GRIA2: variants seen among roughly 807,000 people sequenced by gnomAD.
GRIA2 encodes the protein glutamate receptor 2.
A neutral mutation model predicts 97.3 loss-of-function variants in GRIA2; 14 were observed. The ratio of observed to expected loss-of-function variants is 0.14; its 90% CI spans 0.10 to 0.23. The LOEUF (loss-of-function observed/expected upper bound fraction) is 0.23, where lower values mean the gene tolerates loss of function less well. Among genes scored for constraint, GRIA2 ranks in the 10% least tolerant of loss-of-function variants. The pLI is 1.00. For synonymous variants in GRIA2, 412 were observed against 387.8 expected (o/e 1.06, Z -0.73); for missense variants, 558 against 1,069.8 (o/e 0.52, Z 6.67).
At chr4:157,233,867 GTTA>G (rs953327067) in intron 2 of GRIA2, among the ~76,000 whole-genome samples, 4 of 152,016 alleles carry the variant, frequency 2.6e-5, no homozygotes, top group Admixed American at 6.6e-5. Context: ...AAGTGGAATT[GTTA>G]TTATACCCAT....
chr4:157,230,847 T>G (rs929825741), intron 2 of GRIA2, among the ~76,000 whole-genome samples: 10 of 151,746 alleles, frequency 6.6e-5, no homozygotes, highest in African/African-American at 2.2e-4. Flanking sequence ...TTTTTTCCTT[T>G]TATTTTATTT....
intron 2 of GRIA2, among the ~76,000 whole-genome samples, chr4:157,250,512 C>G (rs1730974276): frequency 6.6e-6 from 1 of 152,002 alleles, no homozygotes; most frequent in Admixed American, 6.6e-5. Flanking sequence ...ACATGAATAT[C>G]CAGAGTTTCT....
At position 157,335,659 on chromosome 4, in the gene GRIA2, C is replaced by A; in HGVS notation, c.1267-12C>A. Reference sequence around the variant, plus strand: ...ATATTTTAATCAGCTAAAGCAAAGTCTTTTCATATAGGAATCTCCGTATGT... The same window carrying A: ...ATATTTTAATCAGCTAAAGCAAAGTATTTTCATATAGGAATCTCCGTATGT... On this transcript the variant is annotated splice_polypyrimidine_tract_variant and intron_variant, in intron 9 of 15. Coordinates refer to ENST00000264426, the MANE Select transcript of GRIA2 (RefSeq NM_001083619.3). 2.0e-6 allele frequency: 3 copies of A among 1,534,188 alleles called. No individual in the cohort carries two copies. Among genetic ancestry groups the A allele is most frequent in the Non-Finnish European group, 2.7e-6 (3 of 1,107,826 alleles).
chr4:157,357,494 T>C (rs1736435290), intron 12 of GRIA2, among the ~76,000 whole-genome samples: 1 of 152,144 alleles, frequency 6.6e-6, no homozygotes, highest in Non-Finnish European at 1.5e-5. Flanking sequence ...TGAAAAAAGT[T>C]ACTTTCAGTC....
intron 2 of GRIA2, among the ~76,000 whole-genome samples, chr4:157,245,010 A>G (rs1254283766): frequency 2.0e-5 from 3 of 152,092 alleles, no homozygotes; most frequent in African/African-American, 4.8e-5. Context: ...TTAAAAAAAT[A>G]CTACATAAAA....
At chr4:157,222,055 G>A (rs952950941) in intron 2 of GRIA2, among the ~76,000 whole-genome samples, 2 of 152,068 alleles carry the variant, frequency 1.3e-5, no homozygotes, top group Admixed American at 1.3e-4. Flanking sequence ...TTAGGGAGCC[G>A]GGGTGAGGGT....
At chr4:157,273,958 T>C (rs996762488) in intron 2 of GRIA2, among the ~76,000 whole-genome samples, 2 of 152,018 alleles carry the variant, frequency 1.3e-5, no homozygotes, top group Admixed American at 1.3e-4. Flanking sequence ...GTAAAAGATA[T>C]GTAAATAAAC....
At chr4:157,305,102 A>G (rs1482661391) in intron 3 of GRIA2, among the ~76,000 whole-genome samples, 4 of 152,340 alleles carry the variant, frequency 2.6e-5, no homozygotes, top group African/African-American at 4.8e-5. Flanking sequence ...TCCGACGCAC[A>G]CTTATTAATG....
At chr4:157,294,964 G>T (rs1733277760) in intron 2 of GRIA2, among the ~76,000 whole-genome samples, 1 of 152,120 alleles carries the variant, frequency 6.6e-6, no homozygotes, top group South Asian at 2.1e-4. Context: ...GATAAAGAAT[G>T]AGACTATCAC....
At chr4:157,244,419 A>T (rs1730640158) in intron 2 of GRIA2, among the ~76,000 whole-genome samples, 1 of 152,090 alleles carries the variant, frequency 6.6e-6, no homozygotes, top group South Asian at 2.1e-4. Flanking sequence ...GCTTCATCAC[A>T]GCAAATGTCA....
At chr4:157,337,933 C>T (rs114049951) in intron 11 of GRIA2, among the ~76,000 whole-genome samples, 3,149 of 147,644 alleles carry the variant, frequency 0.021, 54 homozygotes, top group Non-Finnish European at 0.036. Context: ...CCTGTGACTT[C>T]CCTGTGGGAC....
At chr4:157,314,179 C>T (rs1006926901) in intron 4 of GRIA2, among the ~76,000 whole-genome samples, 2 of 152,050 alleles carry the variant, frequency 1.3e-5, no homozygotes, top group African/African-American at 4.8e-5. Flanking sequence ...GCTGCTAGTG[C>T]CTTAGAATAC....
intron 12 of GRIA2, among the ~76,000 whole-genome samples, chr4:157,352,597 G>A (rs1736058433): frequency 6.6e-6 from 1 of 151,438 alleles, no homozygotes; most frequent in Admixed American, 6.6e-5. Flanking sequence ...ATGGGCGCCT[G>A]TAATCCTAAC....
Position 157,363,671 on chromosome 4 carries a change from T to A in GRIA2, c.*240T>A, listed in dbSNP as rs1331248579. On this transcript the variant is annotated 3_prime_UTR_variant, in exon 16 of 16. Transcript: ENST00000264426. ...TTTATTGTCAAAGTGGTGAGAGGCA[T>A]CCAGTATCTTGAAGACTTTTCTTTC... The A allele has an allele frequency of 1.2e-5, 10 of 812,312 alleles. No homozygotes were observed. The highest frequency in any genetic ancestry group is 1.7e-5 in the Non-Finnish European group (10 of 603,262). The allele number at this position is 812,312 out of a possible 1,614,324, so 50.3% of individuals were successfully genotyped here. A position where few individuals can be genotyped will look rare whatever the true frequency, so the allele number is the denominator to read the frequency against.
At chr4:157,234,586 ACT>A (rs1730161768) in intron 2 of GRIA2, among the ~76,000 whole-genome samples, 2 of 152,120 alleles carry the variant, frequency 1.3e-5, no homozygotes, top group South Asian at 4.1e-4. Flanking sequence ...CAATTCCACC[ACT>A]GATACATTTG....
chr4:157,229,696 A>G (rs1165698633), intron 2 of GRIA2, among the ~76,000 whole-genome samples: 2 of 152,164 alleles, frequency 1.3e-5, no homozygotes, highest in Non-Finnish European at 1.5e-5. Context: ...TCAGTATTTC[A>G]AATATAAACA....
At chr4:157,298,622 T>A in intron 2 of GRIA2, among the ~76,000 whole-genome samples, 1 of 143,514 alleles carries the variant, frequency 7.0e-6, no homozygotes, top group East Asian at 2.0e-4. Flanking sequence ...TTTTTTTTTT[T>A]TTTTTTTTTT....
chr4:157,353,533 A>G (rs1244360364), intron 12 of GRIA2, among the ~76,000 whole-genome samples: 5 of 150,686 alleles, frequency 3.3e-5, no homozygotes, highest in Non-Finnish European at 7.4e-5. Context: ...AAAATTAGCC[A>G]GGTGTGGTGG....
chr4:157,300,160 G>A (rs1733551821), intron 2 of GRIA2, among the ~76,000 whole-genome samples: 1 of 151,816 alleles, frequency 6.6e-6, no homozygotes, highest in African/African-American at 2.4e-5. Flanking sequence ...AATTTTGGAG[G>A]CATCATTGGG....
Sources: allele counts gnomAD v4.1 joint callset (sites outside exome capture counted in the v4.1 genomes callset), GRCh38; gene constraint gnomAD v4.1.1; transcripts MANE v1.5; gene names NCBI Gene and HGNC (gene_info 2026-07-23, HGNC 2026-07-21).